Variants in APLF observed in about 807,000 individuals in gnomAD.
APLF encodes aprataxin and PNK-like factor.
In APLF, 61 loss-of-function variants were observed where a neutral mutation model predicts 55.6. The ratio of observed to expected loss-of-function variants is 1.10; its 90% CI spans 0.89 to 1.36. The LOEUF (loss-of-function observed/expected upper bound fraction) is 1.36, where lower values mean the gene tolerates loss of function less well. Among genes scored for constraint, APLF ranks in the 40% most tolerant of loss-of-function variants. APLF has a pLI of 0.00. For missense variants in APLF, 611 were observed against 602.5 expected (o/e 1.01, Z -0.15); for synonymous variants, 207 against 214.8 (o/e 0.96, Z 0.32).
At chr2:68,521,792 A>G (rs1669905619) in intron 5 of APLF, among the ~76,000 whole-genome samples, 1 of 151,938 alleles carries the variant, frequency 6.6e-6, no homozygotes, top group South Asian at 2.1e-4. Context: ...TAGTCCCCAT[A>G]CTGTTTGGCT....
chr2:68,563,828 A>G (rs948334871), intron 8 of APLF, among the ~76,000 whole-genome samples: 2 of 152,092 alleles, frequency 1.3e-5, no homozygotes, highest in African/African-American at 4.8e-5. Flanking sequence ...CGAAGCAAAC[A>G]TATATTAAAA....
At chr2:68,557,252 T>C (rs1671042315) in intron 8 of APLF, among the ~76,000 whole-genome samples, 1 of 152,140 alleles carries the variant, frequency 6.6e-6, no homozygotes, top group Non-Finnish European at 1.5e-5. Flanking sequence ...AAAATGTAAA[T>C]ACTATGTAAT....
At chr2:68,557,322 A>G (rs1488459407) in intron 8 of APLF, among the ~76,000 whole-genome samples, 3 of 152,228 alleles carry the variant, frequency 2.0e-5, no homozygotes, top group African/African-American at 4.8e-5. Flanking sequence ...GTACATGTTC[A>G]GTAAGGATGC....
At chr2:68,471,218 A>G (rs1223275850) in intron 1 of APLF, among the ~76,000 whole-genome samples, 2 of 152,214 alleles carry the variant, frequency 1.3e-5, no homozygotes, top group Non-Finnish European at 2.9e-5. Flanking sequence ...AAGGGTTATC[A>G]TTGAGTTTTG....
At chr2:68,496,771 C>G (rs1009923216) in intron 2 of APLF, among the ~76,000 whole-genome samples, 2 of 152,168 alleles carry the variant, frequency 1.3e-5, no homozygotes, top group Non-Finnish European at 2.9e-5. Context: ...GACCTTTGCT[C>G]TAGTTCCCGA....
chr2:68,508,822 A>G (rs1001199893), intron 3 of APLF, among the ~76,000 whole-genome samples: 6 of 152,270 alleles, frequency 3.9e-5, no homozygotes, highest in Middle Eastern at 3.4e-3. Context: ...TTCAAACTAT[A>G]CTACAAGCCT....
At chr2:68,468,793 C>A (rs969674666) in intron 1 of APLF, among the ~76,000 whole-genome samples, 24 of 152,152 alleles carry the variant, frequency 1.6e-4, no homozygotes, top group Admixed American at 1.5e-3. Flanking sequence ...GGGTCCCTAC[C>A]CTTTAGGAGT....
intron 6 of APLF, among the ~76,000 whole-genome samples, chr2:68,537,097 G>A (rs1364477975): frequency 6.6e-6 from 1 of 151,580 alleles, no homozygotes; most frequent in Non-Finnish European, 1.5e-5. Flanking sequence ...CCTGGGAGGC[G>A]GAGGTTGCAG....
chr2:68,476,129 G>T (rs184301188), intron 1 of APLF, among the ~76,000 whole-genome samples: 1 of 151,612 alleles, frequency 6.6e-6, no homozygotes, highest in Admixed American at 6.6e-5. Context: ...ACTGTAAATT[G>T]TGAAGTATTG....
intron 9 of APLF, among the ~76,000 whole-genome samples, chr2:68,569,592 A>G (rs1466994182): frequency 2.0e-5 from 3 of 152,152 alleles, no homozygotes; most frequent in East Asian, 1.9e-4. Flanking sequence ...AGACATGGGC[A>G]CTTTGGCAAA....
At chr2:68,488,986 G>T (rs957759458) in intron 1 of APLF, among the ~76,000 whole-genome samples, 1 of 151,960 alleles carries the variant, frequency 6.6e-6, no homozygotes, top group African/African-American at 2.4e-5. Context: ...AAAAAAAAAG[G>T]TACAATCTGG....
rs138176860 is a variant in APLF at position 68,537,810 on chromosome 2, A to T, written c.805-62A>T. 4.4e-5 allele frequency: 54 copies of T among 1,236,956 alleles called. No homozygotes were observed. In the African/African-American group the frequency reaches 7.9e-4, roughly 18 times the overall value. The allele number at this position is 1,236,956 out of a possible 1,614,324, so 76.6% of individuals were successfully genotyped here. A position where few individuals can be genotyped will look rare whatever the true frequency, so the allele number is the denominator to read the frequency against. On this transcript the variant is annotated intron_variant, in intron 6 of 9. Transcript: ENST00000303795. ...ATGGATCTTGTAGTTTTGTGCTGTT[A>T]TGCTCATATCTTTTTAAAAATGTTT...
At chr2:68,510,361 T>C (rs144045370) in intron 3 of APLF, among the ~76,000 whole-genome samples, 1 of 151,940 alleles carries the variant, frequency 6.6e-6, no homozygotes, top group African/African-American at 2.4e-5. Flanking sequence ...AATTTTAAAA[T>C]GCATAACTGA....
chr2:68,521,516 T>G (rs1386496947), intron 5 of APLF, among the ~76,000 whole-genome samples: 1 of 151,970 alleles, frequency 6.6e-6, no homozygotes, highest in South Asian at 2.1e-4. Flanking sequence ...TTTTTTTAAA[T>G]GTCCATTAGT....
In APLF at chr2:68,490,247, C is replaced by A; in HGVS notation, c.154C>A (p.Leu52Met). ...CATTCTTGAGGTGGCAGGTGGTCAG[C>A]TGCGAATCAAACCGGTAAATATGTT... ...HAILEVAGGQ[L>M]RIKPIHTNPC... Residue 52 changes from leucine to methionine, a missense_variant, in exon 2 of 10, where the codon CTG becomes ATG. Leu to Met is a conservative substitution (Grantham distance 15). Transcript: ENST00000303795. 1 of 1,612,106 alleles carries A rather than the reference C, an allele frequency of 6.2e-7. No homozygotes were observed. The highest frequency in any genetic ancestry group is 8.5e-7 in the Non-Finnish European group (1 of 1,179,446).
intron 5 of APLF, among the ~76,000 whole-genome samples, chr2:68,520,724 A>C (rs961350817): frequency 6.6e-6 from 1 of 151,970 alleles, no homozygotes; most frequent in African/African-American, 2.4e-5. Context: ...CTTGTAGTAC[A>C]GTTTGAAGTC....
At chr2:68,491,315 AT>A (rs1676353062) in intron 2 of APLF, among the ~76,000 whole-genome samples, 1 of 152,190 alleles carries the variant, frequency 6.6e-6, no homozygotes, top group African/African-American at 2.4e-5. Context: ...CTGAGATGAC[AT>A]ACTGGATCAT....
chr2:68,534,530 T>G (rs1670337170), intron 6 of APLF, among the ~76,000 whole-genome samples: 1 of 152,152 alleles, frequency 6.6e-6, no homozygotes, highest in African/African-American at 2.4e-5. Context: ...ATGGCTTGTT[T>G]GAGAAGTTAA....
intron 2 of APLF, among the ~76,000 whole-genome samples, chr2:68,495,170 A>T (rs892906180): frequency 1.3e-5 from 2 of 152,196 alleles, no homozygotes; most frequent in African/African-American, 2.4e-5. Context: ...ACATTGCAAG[A>T]TACAATCATG....
Sources: gnomAD v4.1 joint callset for allele counts (sites outside exome capture counted in the v4.1 genomes callset) on GRCh38, gnomAD v4.1.1 for gene constraint, MANE v1.5 for transcripts, NCBI Gene and HGNC (gene_info 2026-07-23, HGNC 2026-07-21) for gene names.